Variants in NKAIN2 observed in about 807,000 individuals in gnomAD.
NKAIN2 encodes the protein sodium/potassium transporting ATPase interacting 2.
Under a neutral mutation model 32.6 loss-of-function variants are expected in NKAIN2, and 14 were observed. That is an observed-to-expected ratio of 0.43 (90% CI 0.28 to 0.67). The LOEUF is 0.67. Among genes scored for constraint, NKAIN2 ranks in the 30% least tolerant of loss-of-function variants. The pLI is 0.17. For missense variants in NKAIN2, 198 were observed against 258.3 expected, an observed-to-expected ratio of 0.77 and a Z score of 1.60; for synonymous variants, 80 against 87.2, an observed-to-expected ratio of 0.92 and a Z score of 0.46.
chr6:123,832,064 T>C (rs186393648), intron 1 of NKAIN2, among the ~76,000 whole-genome samples: 1 of 152,306 alleles, frequency 6.6e-6, no homozygotes, highest in Admixed American at 6.5e-5. Flanking sequence ...TAGTGGCCAG[T>C]ATCCATCATT....
intron 1 of NKAIN2, among the ~76,000 whole-genome samples, chr6:123,835,654 C>T (rs1774586657): frequency 6.6e-6 from 1 of 152,120 alleles, no homozygotes; most frequent in Non-Finnish European, 1.5e-5. Context: ...TGGTTATGAT[C>T]TTATAGCTGT....
At chr6:124,188,252 A>C (rs1789844627) in intron 1 of NKAIN2, among the ~76,000 whole-genome samples, 2 of 152,192 alleles carry the variant, frequency 1.3e-5, no homozygotes, top group South Asian at 4.1e-4. Flanking sequence ...GATTGGTTGC[A>C]AAGAATTGGC....
chr6:124,222,973 A>G (rs932572986), intron 1 of NKAIN2, among the ~76,000 whole-genome samples: 6 of 152,154 alleles, frequency 3.9e-5, no homozygotes, highest in African/African-American at 1.4e-4. Context: ...AAAGAGAAAG[A>G]GACCCCAAGG....
chr6:124,725,671 T>A (rs751555777), intron 4 of NKAIN2, among the ~76,000 whole-genome samples: 1 of 152,138 alleles, frequency 6.6e-6, no homozygotes, highest in Non-Finnish European at 1.5e-5. Context: ...AGAACGATAT[T>A]CCACATAAAA....
At chr6:124,168,096 C>T (rs1788662117) in intron 1 of NKAIN2, among the ~76,000 whole-genome samples, 1 of 152,138 alleles carries the variant, frequency 6.6e-6, no homozygotes, top group African/African-American at 2.4e-5. Context: ...GAAGCAAAAT[C>T]AAATTAGTAT....
intron 2 of NKAIN2, among the ~76,000 whole-genome samples, chr6:124,320,640 T>A (rs577100662): frequency 2.5e-4 from 38 of 152,306 alleles, no homozygotes; most frequent in Middle Eastern, 6.8e-3. Context: ...CCTAGCCCAA[T>A]TTATGGGCTC....
chr6:124,115,969 A>G (rs1281058163), intron 1 of NKAIN2, among the ~76,000 whole-genome samples: 1 of 152,000 alleles, frequency 6.6e-6, no homozygotes, highest in South Asian at 2.1e-4. Context: ...ATTTTTGAAA[A>G]CACATACTTT....
At chr6:124,598,652 A>G (rs1475353866) in intron 3 of NKAIN2, among the ~76,000 whole-genome samples, 1 of 149,594 alleles carries the variant, frequency 6.7e-6, no homozygotes, top group African/African-American at 2.5e-5. Flanking sequence ...GGTGAGCCCA[A>G]TAGAGAAGTA....
chr6:123,941,016 G>A (rs779638270), intron 1 of NKAIN2, among the ~76,000 whole-genome samples: 5 of 151,572 alleles, frequency 3.3e-5, no homozygotes, highest in East Asian at 1.9e-4. Flanking sequence ...ATTTATAAGC[G>A]TTTTGCTATT....
intron 3 of NKAIN2, among the ~76,000 whole-genome samples, chr6:124,417,024 A>G (rs1025490876): frequency 1.3e-5 from 2 of 152,212 alleles, no homozygotes; most frequent in Non-Finnish European, 2.9e-5. Flanking sequence ...GAGGTCCAGA[A>G]TCTTATAACA....
chr6:124,097,632 G>T (rs1200327280), intron 1 of NKAIN2, among the ~76,000 whole-genome samples: 1 of 152,168 alleles, frequency 6.6e-6, no homozygotes, highest in Non-Finnish European at 1.5e-5. Flanking sequence ...AACCAGAATT[G>T]TGGAAAGTCG....
At chr6:124,020,559 A>G (rs748368341) in intron 1 of NKAIN2, among the ~76,000 whole-genome samples, 7 of 152,144 alleles carry the variant, frequency 4.6e-5, no homozygotes, top group Non-Finnish European at 7.4e-5. Context: ...AAAAAAGAAA[A>G]CCAATAAAAA....
At chr6:124,335,533 A>ATTTTAATCTCTGATTAAATCATCC (rs1347981225) in intron 2 of NKAIN2, among the ~76,000 whole-genome samples, 1 of 152,224 alleles carries the variant, frequency 6.6e-6, no homozygotes, top group Non-Finnish European at 1.5e-5. Context: ...AGATTAAAGC[A>ATTTTAATCTCTGATTAAATCATCC]TCTCTGATGA....
intron 1 of NKAIN2, among the ~76,000 whole-genome samples, chr6:124,063,921 G>T (rs2114862187): frequency 6.6e-6 from 1 of 151,768 alleles, no homozygotes; most frequent in African/African-American, 2.4e-5. Flanking sequence ...TATTTATACT[G>T]TACTAACATA....
intron 1 of NKAIN2, among the ~76,000 whole-genome samples, chr6:124,063,304 CAATT>C (rs1400609948): frequency 2.6e-5 from 4 of 152,046 alleles, no homozygotes; most frequent in Non-Finnish European, 4.4e-5. Context: ...CAAGGACACA[CAATT>C]AATAAGTAGT....
intron 1 of NKAIN2, among the ~76,000 whole-genome samples, chr6:123,891,761 C>T (rs1774030041): frequency 6.6e-6 from 1 of 152,156 alleles, no homozygotes; most frequent in Non-Finnish European, 1.5e-5. Flanking sequence ...ATTTTCTCGT[C>T]AACAAACCAA....
chr6:124,556,086 C>CAAAAA, intron 3 of NKAIN2, among the ~76,000 whole-genome samples: 1 of 135,130 alleles, frequency 7.4e-6, no homozygotes. Context: ...GTTTGCTATG[C>CAAAAA]AAAAAAAAAA....
intron 1 of NKAIN2, among the ~76,000 whole-genome samples, chr6:124,275,880 G>A (rs78182992): frequency 0.026 from 3,972 of 152,114 alleles, 164 homozygotes; most frequent in African/African-American, 0.09. Context: ...AATAACTAAT[G>A]TATGTACATT....
chr6:124,798,002 T>C (rs1780078695), intron 5 of NKAIN2, among the ~76,000 whole-genome samples: 1 of 152,110 alleles, frequency 6.6e-6, no homozygotes, highest in Admixed American at 6.5e-5. Context: ...CCTGCCTTCT[T>C]ACCTTCCTTC....
Sources: allele counts gnomAD v4.1 joint callset (sites outside exome capture counted in the v4.1 genomes callset), GRCh38; gene constraint gnomAD v4.1.1; transcripts MANE v1.5; gene names NCBI Gene and HGNC (gene_info 2026-07-23, HGNC 2026-07-21).